The following FAM178B variants were observed in gnomAD, a reference collection of about 807,000 sequenced individuals.
The protein encoded by FAM178B is protein FAM178B.
A neutral mutation model predicts 91.7 loss-of-function variants in FAM178B; 82 were observed. That is an observed-to-expected ratio of 0.89 (90% CI 0.75 to 1.07). The LOEUF is 1.07. Among genes scored for constraint, FAM178B ranks in the 50% least tolerant of loss-of-function variants. The pLI is 0.00. For missense variants in FAM178B, 769 were observed against 846.7 expected (o/e 0.91, Z 1.14); for synonymous variants, 368 against 359.4 (o/e 1.02, Z -0.27).
At chr2:96,972,630 C>T (rs2082238167) in intron 1 of FAM178B, 24 bp from the exon 2 acceptor site, 1 of 1,547,878 alleles carries the variant, frequency 6.5e-7, no homozygotes, top group Non-Finnish European at 8.7e-7. Flanking sequence ...CCTGTGAGGG[C>T]AGGTGAACCT....
chr2:96,962,878 C>A (rs1214412541), intron 5 of FAM178B, among the ~76,000 whole-genome samples: 1 of 152,144 alleles, frequency 6.6e-6, no homozygotes, highest in Non-Finnish European at 1.5e-5. Context: ...CCTAAGCATC[C>A]CTTCCTGACC....
intron 15 of FAM178B, among the ~76,000 whole-genome samples, 172 bp from the exon 16 acceptor site, chr2:96,878,214 G>T (rs559992220): frequency 2.6e-5 from 4 of 152,372 alleles, no homozygotes; most frequent in African/African-American, 9.6e-5. Flanking sequence ...GCTCGGGTCA[G>T]TGTCCCTTGG....
At chr2:96,929,160 T>TA (rs1234301240) in intron 9 of FAM178B, 46 bp downstream of exon 9, 9 of 1,357,056 alleles carry the variant, frequency 6.6e-6, no homozygotes, top group Non-Finnish European at 8.2e-6. Flanking sequence ...CCCTGTCTCT[T>TA]AAAAAATATG....
At chr2:96,921,331 C>T (rs1381172441) in intron 11 of FAM178B, 69 bp from the exon 12 acceptor site, 22 of 1,515,738 alleles carry the variant, frequency 1.5e-5, no homozygotes, top group Admixed American at 7.9e-5. Flanking sequence ...CCACCCAGCC[C>T]GCACAGGGGA....
Position 96,963,109 on chromosome 2 carries a change from C to T in FAM178B, c.735-2669G>A, listed in dbSNP as rs370202679. Among the ~76,000 whole-genome samples, 28 of 152,304 alleles carry T rather than the reference C, an allele frequency of 1.8e-4. No individual in the cohort carries two copies. In the East Asian group the frequency reaches 3.5e-3, roughly 19 times the overall value. On this transcript the variant is annotated intron_variant, in intron 5 of 16. Coordinates refer to ENST00000490605, the MANE Select transcript of FAM178B (RefSeq NM_001122646.3). ...CCAGTGTTTTCAAAGCCAGGACTAC[C>T]TTCTGCGTTAAGCTGGTTGCACAGA...
intron 1 of FAM178B, among the ~76,000 whole-genome samples, chr2:96,974,864 C>T (rs1434275109): frequency 2.6e-5 from 4 of 151,744 alleles, no homozygotes; most frequent in Non-Finnish European, 4.4e-5. Context: ...CCGAGGCGGG[C>T]GTTATCACTT....
At chr2:96,902,855 C>T in intron 12 of FAM178B, 148 bp from the exon 13 acceptor site, 1 of 614,740 alleles carries the variant, frequency 1.6e-6, no homozygotes, top group Non-Finnish European at 3.0e-6. Context: ...TGGCTTACAG[C>T]ATTATGTATT....
At chr2:96,886,506 C>G (rs574310510) in intron 14 of FAM178B, among the ~76,000 whole-genome samples, 11 of 152,210 alleles carry the variant, frequency 7.2e-5, no homozygotes, top group Non-Finnish European at 1.5e-4. Flanking sequence ...GAGAGCCTGC[C>G]TGGGAAGGCG....
intron 12 of FAM178B, among the ~76,000 whole-genome samples, chr2:96,906,204 C>CA (rs2081052752): frequency 7.5e-6 from 1 of 132,924 alleles, no homozygotes; most frequent in Admixed American, 7.8e-5. Flanking sequence ...CTTTTTCTTT[C>CA]TTTTTTTTTT....
At chr2:96,919,726 A>G (rs1339236126) in intron 12 of FAM178B, among the ~76,000 whole-genome samples, 3 of 152,172 alleles carry the variant, frequency 2.0e-5, no homozygotes, top group Admixed American at 1.3e-4. Context: ...TCCCTCACTG[A>G]GGCCCCTGGA....
Position 96,976,210 on chromosome 2 carries a change from TCAGCCTCC to T in FAM178B, c.74-3612_74-3605del, listed in dbSNP as rs1463509497. 1.4e-4 allele frequency among the ~76,000 whole-genome samples: 21 copies of T among 151,790 alleles called. 1 individual carries two copies. The highest frequency in any genetic ancestry group is 2.1e-4 in the Non-Finnish European group (14 of 67,946). On this transcript the variant is annotated intron_variant, in intron 1 of 16. Transcript: ENST00000490605. ...CCCAGGTTCAAGCGATTCTCCTGCC[TCAGCCTCC>T]GAGTAGCTGGGACTACAGGTGCGTG...
chr2:96,903,351 A>G (rs2080970862), intron 12 of FAM178B, among the ~76,000 whole-genome samples: 1 of 152,194 alleles, frequency 6.6e-6, no homozygotes, highest in African/African-American at 2.4e-5. Flanking sequence ...ACTGCTTTTC[A>G]ATACGCCTCT....
rs2082419490 is a variant in FAM178B at position 96,986,096 on chromosome 2, G to C, written c.73+145C>G. ...GGAACCCGAACCACGCGGGGTCGCAGGAACCTGAAAAGCGCCAGAGTAGCC... is the reference window on the plus strand; with the variant it reads ...GGAACCCGAACCACGCGGGGTCGCACGAACCTGAAAAGCGCCAGAGTAGCC... On this transcript the variant is annotated intron_variant, in intron 1 of 16. Coordinates refer to ENST00000490605, the MANE Select transcript of FAM178B (RefSeq NM_001122646.3). 6 of 1,443,076 alleles carry C rather than the reference G, an allele frequency of 4.2e-6. No homozygotes were observed. In the South Asian group the frequency reaches 7.1e-5, roughly 17 times the overall value. The allele number at this position is 1,443,076 out of a possible 1,614,324, so 89.4% of individuals were successfully genotyped here.
intron 8 of FAM178B, 70 bp downstream of exon 8, chr2:96,947,748 C>A: frequency 1.1e-6 from 1 of 877,092 alleles, no homozygotes; most frequent in South Asian, 1.5e-5. Context: ...GGGCTCTGGG[C>A]ACTGAGAGTC....
intron 8 of FAM178B, among the ~76,000 whole-genome samples, chr2:96,932,694 T>G (rs1196619254): frequency 6.6e-6 from 1 of 151,926 alleles, no homozygotes; most frequent in Admixed American, 6.6e-5. Flanking sequence ...TCCCAGCACT[T>G]TGGGAGGCCG....
intron 1 of FAM178B, among the ~76,000 whole-genome samples, chr2:96,979,302 CAG>C (rs1255181160): frequency 8.5e-6 from 1 of 118,226 alleles, no homozygotes; most frequent in African/African-American, 3.3e-5. Context: ...TTTCCTGAGA[CAG>C]AGTCGCACTC....
In FAM178B at chr2:96,915,730, C is replaced by T. The variant is rs541837002; in HGVS notation, c.1562+5435G>A. On this transcript the variant is annotated intron_variant, in intron 12 of 16. Transcript: ENST00000490605. ...ACTTGGGAGGCTGAGGCAGGAGAATCGCTTAAACACGGGAGGCGGAGGTTG... is the reference window on the plus strand; with the variant it reads ...ACTTGGGAGGCTGAGGCAGGAGAATTGCTTAAACACGGGAGGCGGAGGTTG... Among the ~76,000 whole-genome samples the T allele has an allele frequency of 1.0e-3, 153 of 151,284 alleles. 1 individual carries two copies. The highest frequency in any genetic ancestry group is 3.6e-3 in the African/African-American group (149 of 41,196).
intron 8 of FAM178B, among the ~76,000 whole-genome samples, chr2:96,934,272 T>C (rs984853182): frequency 6.6e-6 from 1 of 152,174 alleles, no homozygotes; most frequent in African/African-American, 2.4e-5. Context: ...CCTGAGTGAC[T>C]TGGGGAGCCT....
At chr2:96,938,128 G>C (rs1325471700) in intron 8 of FAM178B, among the ~76,000 whole-genome samples, 1 of 152,146 alleles carries the variant, frequency 6.6e-6, no homozygotes, top group Non-Finnish European at 1.5e-5. Flanking sequence ...GAGCTAAAGT[G>C]GTGGGCAAAA....
Sources: allele counts gnomAD v4.1 joint callset (sites outside exome capture counted in the v4.1 genomes callset), GRCh38; gene constraint gnomAD v4.1.1; transcripts MANE v1.5; gene names NCBI Gene and HGNC (gene_info 2026-07-23, HGNC 2026-07-21).